CADPS2: variants seen among roughly 807,000 people sequenced by gnomAD.
CADPS2 encodes calcium-dependent secretion activator 2.
In CADPS2, 93 loss-of-function variants were observed where a neutral mutation model predicts 172.5. The ratio of observed to expected loss-of-function variants is 0.54; its 90% CI spans 0.46 to 0.64. The LOEUF is 0.64. CADPS2 is among the 30% of genes least tolerant of loss of function. The probability of loss-of-function intolerance (pLI) is 0.00; values close to 1 mark genes in which losing one functional copy is unlikely to be tolerated. For synonymous variants in CADPS2, 546 were observed against 555.2 expected (o/e 0.98, Z 0.23); for missense variants, 1,420 against 1,565.9 (o/e 0.91, Z 1.57).
intron 2 of CADPS2, among the ~76,000 whole-genome samples, chr7:122,686,770 C>T (rs980528613): frequency 1.3e-5 from 2 of 152,162 alleles, no homozygotes; most frequent in Non-Finnish European, 2.9e-5. Context: ...CTGCAACCTC[C>T]GCCTCCCGTG....
intron 2 of CADPS2, among the ~76,000 whole-genome samples, chr7:122,666,859 T>C (rs1161112679): frequency 6.6e-6 from 1 of 152,064 alleles, no homozygotes; most frequent in Non-Finnish European, 1.5e-5. Flanking sequence ...TGTGGACAGC[T>C]TCCCCCTAGA....
chr7:122,501,151 A>G (rs192667223), intron 9 of CADPS2, among the ~76,000 whole-genome samples: 1 of 152,200 alleles, frequency 6.6e-6, no homozygotes, highest in Middle Eastern at 3.4e-3. Context: ...GCTACTTGGG[A>G]GGATAAGGTG....
At chr7:122,837,094 C>A (rs1247366637) in intron 1 of CADPS2, among the ~76,000 whole-genome samples, 1 of 152,208 alleles carries the variant, frequency 6.6e-6, no homozygotes, top group Non-Finnish European at 1.5e-5. Flanking sequence ...GACCACAGTG[C>A]AATCAAACTA....
intron 7 of CADPS2, among the ~76,000 whole-genome samples, chr7:122,578,105 C>T (rs2068284401): frequency 6.7e-6 from 1 of 149,748 alleles, no homozygotes; most frequent in Non-Finnish European, 1.5e-5. Context: ...TATATATACA[C>T]AAAAGTATAT....
At chr7:122,353,750 A>G (rs151257190) in intron 27 of CADPS2, among the ~76,000 whole-genome samples, 1 of 152,322 alleles carries the variant, frequency 6.6e-6, no homozygotes, top group East Asian at 1.9e-4. Context: ...AATCTTCAGT[A>G]CCACACCTGG....
intron 2 of CADPS2, among the ~76,000 whole-genome samples, chr7:122,718,644 C>T (rs1446473341): frequency 2.0e-5 from 3 of 152,038 alleles, no homozygotes; most frequent in Admixed American, 2.0e-4. Flanking sequence ...CAAGAGTTGG[C>T]AGGGAACTGA....
chr7:122,510,966 T>G (rs2059964423), intron 9 of CADPS2, among the ~76,000 whole-genome samples: 1 of 152,174 alleles, frequency 6.6e-6, no homozygotes, highest in African/African-American at 2.4e-5. Flanking sequence ...GGGCATGGAA[T>G]TCTCTGCATG....
chr7:122,366,643 ACACAT>A (rs2151199011), intron 25 of CADPS2: 2 of 143,752 alleles, frequency 1.4e-5, no homozygotes, highest in African/African-American at 5.4e-5. Context: ...ACACACACAC[ACACAT>A]ATATATACAT....
At chr7:122,732,472 G>C (rs906184337) in intron 2 of CADPS2, among the ~76,000 whole-genome samples, 1 of 150,450 alleles carries the variant, frequency 6.6e-6, no homozygotes, top group Non-Finnish European at 1.5e-5. Flanking sequence ...AACAGATTTT[G>C]AGAAAATGTA....
intron 1 of CADPS2, among the ~76,000 whole-genome samples, chr7:122,851,630 G>C (rs1813656563): frequency 6.6e-6 from 1 of 152,136 alleles, no homozygotes; most frequent in East Asian, 1.9e-4. Flanking sequence ...CCATGTGGCT[G>C]GGGAGGCCAC....
At chr7:122,383,381 A>C (rs1333799826) in intron 24 of CADPS2, among the ~76,000 whole-genome samples, 1 of 152,054 alleles carries the variant, frequency 6.6e-6, no homozygotes, top group Non-Finnish European at 1.5e-5. Context: ...CCTATTGAGT[A>C]CTATGCTCAA....
At chr7:122,357,730 T>C (rs920446005) in intron 27 of CADPS2, among the ~76,000 whole-genome samples, 5 of 152,196 alleles carry the variant, frequency 3.3e-5, no homozygotes, top group African/African-American at 1.2e-4. Flanking sequence ...AATGGAATCA[T>C]ACAGTATGCA....
chr7:122,432,643 T>G (rs111781403), intron 17 of CADPS2, among the ~76,000 whole-genome samples: 224 of 108,536 alleles, frequency 2.1e-3, no homozygotes, highest in Middle Eastern at 0.02. Flanking sequence ...TCTGTTAAAA[T>G]AAAAAAAAAA....
At chr7:122,729,636 T>C (rs888186139) in intron 2 of CADPS2, among the ~76,000 whole-genome samples, 4 of 151,668 alleles carry the variant, frequency 2.6e-5, no homozygotes, top group Non-Finnish European at 5.9e-5. Context: ...ATGTCTTCTT[T>C]TGAGAAATGT....
At chr7:122,404,891 C>T (rs569504562) in intron 20 of CADPS2, among the ~76,000 whole-genome samples, 3 of 151,396 alleles carry the variant, frequency 2.0e-5, no homozygotes, top group Admixed American at 6.6e-5. Flanking sequence ...TTTGGGAGGC[C>T]GAGGTGGGGG....
intron 1 of CADPS2, among the ~76,000 whole-genome samples, chr7:122,749,676 T>C (rs2092865875): frequency 6.6e-6 from 1 of 152,156 alleles, no homozygotes; most frequent in Non-Finnish European, 1.5e-5. Flanking sequence ...AATCATTTTA[T>C]ATTTATTACC....
At chr7:122,672,406 T>C (rs1388394639) in intron 2 of CADPS2, among the ~76,000 whole-genome samples, 3 of 152,172 alleles carry the variant, frequency 2.0e-5, no homozygotes, top group Admixed American at 6.5e-5. Flanking sequence ...GTCGAAGCTG[T>C]CATGGGAATT....
At chr7:122,848,054 CTT>C (rs1242367998) in intron 1 of CADPS2, among the ~76,000 whole-genome samples, 1 of 152,230 alleles carries the variant, frequency 6.6e-6, no homozygotes, top group Non-Finnish European at 1.5e-5. Flanking sequence ...ACACTCAACT[CTT>C]TGCCTATGGC....
rs1293595108 is a variant in CADPS2, at chr7:122,554,584, G to A, written c.1441C>T (p.Arg481Ter). The change falls in exon 8 of 30, where the codon CGA (arginine) becomes TGA (stop). Residue 481 changes from arginine to a stop codon, truncating the protein, a stop_gained. Transcript: ENST00000449022. LOFTEE classifies it high-confidence loss of function. ...DSDLKIKLAV[R>*]MDKPAHMKHS... ...TTCATATGTGCTGGTTTATCCATTCGCACTGCCAGTTTGATTTTTAAGTCA... is the reference window on the plus strand; with the variant it reads ...TTCATATGTGCTGGTTTATCCATTCACACTGCCAGTTTGATTTTTAAGTCA... 10 of 1,610,284 alleles carry A rather than the reference G, an allele frequency of 6.2e-6. No homozygotes were observed. Among genetic ancestry groups the A allele is most frequent in the African/African-American group, 2.7e-5 (2 of 74,652 alleles).
Sources: gnomAD v4.1 joint callset for allele counts (sites outside exome capture counted in the v4.1 genomes callset) on GRCh38, gnomAD v4.1.1 for gene constraint, MANE v1.5 for transcripts, NCBI Gene and HGNC (gene_info 2026-07-23, HGNC 2026-07-21) for gene names.